Variants in SPEF2 observed in about 807,000 individuals in gnomAD.
The protein encoded by SPEF2 is sperm flagella and cilia-associated protein 2.
Under a neutral mutation model 224.6 loss-of-function variants are expected in SPEF2, and 187 were observed. The observed-to-expected ratio is 0.83, with a 90% CI of 0.74 to 0.94. The LOEUF (loss-of-function observed/expected upper bound fraction) is 0.94, where lower values mean the gene tolerates loss of function less well. SPEF2 is among the 40% of genes least tolerant of loss of function. SPEF2 has a pLI of 0.00. For synonymous variants in SPEF2, 715 were observed against 707.3 expected (o/e 1.01, Z -0.17); for missense variants, 2,170 against 2,135.6 (o/e 1.02, Z -0.32).
chr5:35,681,342 G>A (rs544241516), intron 10 of SPEF2, among the ~76,000 whole-genome samples: 2 of 152,206 alleles, frequency 1.3e-5, no homozygotes, highest in South Asian at 4.2e-4. Context: ...AACCAATTAT[G>A]AGAAATTATA....
At chr5:35,751,558 A>G (rs1749663958) in intron 23 of SPEF2, among the ~76,000 whole-genome samples, 1 of 152,138 alleles carries the variant, frequency 6.6e-6, no homozygotes, top group South Asian at 2.1e-4. Flanking sequence ...GCATTTATGG[A>G]AACACCATGA....
Position 35,790,389 on chromosome 5 carries a change from AT to A in SPEF2, c.4448-1946del, listed in dbSNP as rs1755788794. 1.4e-5 allele frequency: 7 copies of A among 495,728 alleles called. No individual in the cohort carries two copies. In the Admixed American group the frequency reaches 1.5e-4, roughly 11 times the overall value. The allele number at this position is 495,728 out of a possible 1,614,324, so 30.7% of individuals were successfully genotyped here. On this transcript the variant is annotated intron_variant, in intron 30 of 36. Transcript: ENST00000356031. Reference sequence around the variant, plus strand: ...TGATTAGCAATATGCAAATGTTGACATTTTTGTTGCTTAGCAATGTAGCTCT... The same window carrying A: ...TGATTAGCAATATGCAAATGTTGACATTTTGTTGCTTAGCAATGTAGCTCT...
intron 33 of SPEF2, among the ~76,000 whole-genome samples, chr5:35,796,530 TGAACCCGGGA>T (rs1476593828): frequency 4.0e-5 from 6 of 150,966 alleles, no homozygotes; most frequent in Non-Finnish European, 7.4e-5. Flanking sequence ...GAGAATGGCG[TGAACCCGGGA>T]GGCAGAGCTT....
chr5:35,724,495 A>G (rs74499396), intron 20 of SPEF2, among the ~76,000 whole-genome samples: 2,100 of 152,282 alleles, frequency 0.014, 44 homozygotes, highest in African/African-American at 0.049. Flanking sequence ...TGAGTTTGCA[A>G]ACTTCTAAGT....
At chr5:35,630,796 A>G (rs1744999734) in intron 2 of SPEF2, among the ~76,000 whole-genome samples, 1 of 152,216 alleles carries the variant, frequency 6.6e-6, no homozygotes, top group African/African-American at 2.4e-5. Context: ...GTAAAATGCC[A>G]CCAGTCTTTT....
intron 14 of SPEF2, 73 bp from the exon 15 acceptor site, chr5:35,697,617 A>G: frequency 8.1e-7 from 1 of 1,239,622 alleles, no homozygotes; most frequent in Non-Finnish European, 1.2e-6. Flanking sequence ...CATTTAATTA[A>G]CTTTTCCTCC....
At chr5:35,768,266 A>G (rs1417888151) in intron 26 of SPEF2, among the ~76,000 whole-genome samples, 1 of 152,118 alleles carries the variant, frequency 6.6e-6, no homozygotes, top group African/African-American at 2.4e-5. Flanking sequence ...CAGAGACCAC[A>G]ACAAGTACCA....
chr5:35,776,806 G>C (rs1257721177), intron 29 of SPEF2, among the ~76,000 whole-genome samples: 1 of 152,190 alleles, frequency 6.6e-6, no homozygotes, highest in African/African-American at 2.4e-5. Flanking sequence ...TCACTGGAAT[G>C]TTTTACCAGC....
At chr5:35,636,256 T>G (rs1358739709) in intron 2 of SPEF2, among the ~76,000 whole-genome samples, 1 of 152,206 alleles carries the variant, frequency 6.6e-6, no homozygotes, top group Non-Finnish European at 1.5e-5. Context: ...TTTGGACCAA[T>G]ACATTTTCCT....
chr5:35,712,853 G>C lies in SPEF2; in HGVS notation c.2881G>C (p.Gly961Arg). ...GKQESLQEGK[G>R]KKGETALKRK... Reference sequence around the variant, plus strand: ...GCAAGAATCTCTTCAGGAAGGAAAAGGGAAGAAAGGTGAGACCGCACTCAA... The same window carrying C: ...GCAAGAATCTCTTCAGGAAGGAAAACGGAAGAAAGGTGAGACCGCACTCAA... Residue 961 changes from glycine to arginine, a missense_variant, in exon 20 of 37, where the codon GGG becomes CGG. Transcript: ENST00000356031. 1 of 1,613,812 alleles carries C rather than the reference G, an allele frequency of 6.2e-7. No homozygotes were observed. The highest frequency in any genetic ancestry group is 8.5e-7 in the Non-Finnish European group (1 of 1,179,926).
intron 2 of SPEF2, chr5:35,632,871 T>G (rs901761087): frequency 2.6e-5 from 4 of 152,158 alleles, no homozygotes; most frequent in African/African-American, 9.6e-5. Flanking sequence ...TTTTCCAAAT[T>G]TACTGTATTA....
chr5:35,679,177 G>A (rs1240369693), intron 10 of SPEF2, among the ~76,000 whole-genome samples: 1 of 152,160 alleles, frequency 6.6e-6, no homozygotes, highest in Non-Finnish European at 1.5e-5. Flanking sequence ...CTAGCAATAG[G>A]TATACTTCTG....
At chr5:35,619,211 C>T (rs138371445) in intron 1 of SPEF2, among the ~76,000 whole-genome samples, 1 of 152,218 alleles carries the variant, frequency 6.6e-6, no homozygotes, top group African/African-American at 2.4e-5. Flanking sequence ...ATTGTGTCTC[C>T]AACTGTTTAT....
At chr5:35,723,113 C>T (rs1047538719) in intron 20 of SPEF2, among the ~76,000 whole-genome samples, 1 of 152,150 alleles carries the variant, frequency 6.6e-6, no homozygotes, top group African/African-American at 2.4e-5. Flanking sequence ...GGCTCCTCCC[C>T]ACACAAATGG....
At chr5:35,674,825 A>G (rs148213017) in intron 10 of SPEF2, among the ~76,000 whole-genome samples, 2 of 152,018 alleles carry the variant, frequency 1.3e-5, no homozygotes, top group African/African-American at 2.4e-5. Flanking sequence ...CCCATAATAT[A>G]TGCATTTATT....
At chr5:35,791,909 T>C (rs1007528696) in intron 30 of SPEF2, among the ~76,000 whole-genome samples, 2 of 152,120 alleles carry the variant, frequency 1.3e-5, no homozygotes, top group African/African-American at 4.8e-5. Flanking sequence ...ATTACCTTGA[T>C]TGTAGTGGTG....
At chr5:35,729,910 A>T (rs145200533) in intron 21 of SPEF2, among the ~76,000 whole-genome samples, 42 of 152,218 alleles carry the variant, frequency 2.8e-4, no homozygotes, top group African/African-American at 9.4e-4. Flanking sequence ...TCATACCATG[A>T]TTCTGAGGCC....
intron 19 of SPEF2, chr5:35,709,862 A>C: frequency 8.1e-6 from 8 of 985,424 alleles, no homozygotes; most frequent in Non-Finnish European, 9.6e-6. Context: ...TCTGGTTTCT[A>C]GTTTCAGCTT....
rs1418453369 is a variant in SPEF2 at position 35,734,956 on chromosome 5, CA to C, written c.3064-4962del. Among the ~76,000 whole-genome samples the C allele has an allele frequency of 2.6e-5, 4 of 152,166 alleles. No individual in the cohort carries two copies. The East Asian group carries it at 7.7e-4, about 29-fold the overall frequency. On this transcript the variant is annotated intron_variant, in intron 21 of 36. Transcript: ENST00000356031. ...CAACTTCCTGACCTCAAGATCCACC[CA>C]CCTTGGCCTCCCAAAGTGCTGGGAT... is the stretch of plus-strand genomic sequence containing the variant.
Sources: gnomAD v4.1 joint callset for allele counts (sites outside exome capture counted in the v4.1 genomes callset) on GRCh38, gnomAD v4.1.1 for gene constraint, MANE v1.5 for transcripts, NCBI Gene and HGNC (gene_info 2026-07-23, HGNC 2026-07-21) for gene names.